The following DNPH1 variants were observed in gnomAD, a reference collection of about 807,000 sequenced individuals.
DNPH1 encodes 5-hydroxymethyl-dUMP N-hydrolase.
Under a neutral mutation model 15.7 loss-of-function variants are expected in DNPH1, and 18 were observed. The ratio of observed to expected loss-of-function variants is 1.15; its 90% CI spans 0.79 to 1.70. The LOEUF (loss-of-function observed/expected upper bound fraction) is 1.70, where lower values mean the gene tolerates loss of function less well. Ranked by LOEUF, DNPH1 falls within the 40% of genes most tolerant of loss-of-function variation. DNPH1 has a pLI of 0.00. For synonymous variants in DNPH1, 114 were observed against 107.9 expected (o/e 1.06, Z -0.35); for missense variants, 262 against 255.2 (o/e 1.03, Z -0.18).
Position 43,225,639 on chromosome 6 carries a change from A to T in DNPH1, c.*94T>A. On this transcript the variant is annotated 3_prime_UTR_variant, in exon 4 of 4. Transcript: ENST00000230431. ...ACACAAGACAGAAAGTTAGGATTTTAACTGTACCTTTTAATTTGCTCCTGG... is the reference window on the plus strand; with the variant it reads ...ACACAAGACAGAAAGTTAGGATTTTTACTGTACCTTTTAATTTGCTCCTGG... 6.7e-7 allele frequency: 1 copy of T among 1,492,414 alleles called. No individual in the cohort carries two copies. 92.4% of individuals were successfully genotyped at this position (1,492,414 alleles called of 1,614,324 possible).
rs745710544 is a variant in DNPH1 at position 43,226,881 on chromosome 6, T to TG, written c.197-487dup. Among the ~76,000 whole-genome samples, 14 of 125,986 alleles carry TG rather than the reference T, an allele frequency of 1.1e-4. No homozygotes were observed. The highest frequency in any genetic ancestry group is 2.1e-4 in the Non-Finnish European group (12 of 57,872). The allele number at this position is 125,986 out of a possible 152,430, so 82.7% of individuals were successfully genotyped here. ...CAGCACTTTGGGAGGCTGGGGCGGGTGGATCACTTGAGGTCAGGAGTTCAA... is the reference window on the plus strand; with the variant it reads ...CAGCACTTTGGGAGGCTGGGGCGGGTGGGATCACTTGAGGTCAGGAGTTCAA... On this transcript the variant is annotated intron_variant, in intron 1 of 3. Coordinates refer to ENST00000230431, the MANE Select transcript of DNPH1 (RefSeq NM_006443.3). The surrounding 1 kb of genome is among the most constrained non-coding windows in gnomAD (Gnocchi z 4.1).
chr6:43,227,567 C>G (rs1408492653), intron 1 of DNPH1, among the ~76,000 whole-genome samples: 1 of 152,066 alleles, frequency 6.6e-6, no homozygotes, highest in Non-Finnish European at 1.5e-5. Flanking sequence ...CTTCAGGGTC[C>G]TCCACTTGCA....
chr6:43,228,782 C>G (rs1399281202), intron 1 of DNPH1, among the ~76,000 whole-genome samples: 3 of 151,926 alleles, frequency 2.0e-5, no homozygotes, highest in Admixed American at 2.0e-4. Flanking sequence ...GCCGAGATCA[C>G]GCAACTGCAC....
chr6:43,229,361 T>C lies in DNPH1; in HGVS notation c.96A>G (p.Gly32=). ...ALYFCGSIRG[G]REDRTLYERI... ...GCTCGTACAGCGTCCTGTCCTCGCG[T>C]CCGCCGCGAATGCTCCCGCAGAAGT... is the stretch of plus-strand genomic sequence containing the variant. The change falls in exon 1 of 4, where the codon GGA becomes GGG. Residue 32 remains glycine, a synonymous_variant. Transcript: ENST00000230431. The C allele has an allele frequency of 6.7e-7, 1 of 1,486,342 alleles. No individual in the cohort carries two copies. The highest frequency in any genetic ancestry group is 8.9e-7 in the Non-Finnish European group (1 of 1,119,772). 92.1% of individuals were successfully genotyped at this position (1,486,342 alleles called of 1,614,324 possible).
At chr6:43,228,982 TG>T (rs1776782363) in intron 1 of DNPH1, 1 of 307,372 alleles carries the variant, frequency 3.3e-6, no homozygotes, top group Non-Finnish European at 6.5e-6. Flanking sequence ...ACAAACGCTC[TG>T]AAAGCAGCTG....
rs569835091 is a variant in DNPH1 at position 43,226,184 on chromosome 6, C to T, written c.266-41G>A. The T allele has an allele frequency of 1.2e-5, 19 of 1,610,476 alleles. No homozygotes were observed. The South Asian group carries it at 1.9e-4, about 16-fold the overall frequency. ...AGAGGAAGCCTCAGCATTGGGGGCA[C>T]TTGAGGTTCATAAGGAAGACGACGG... On this transcript the variant is annotated intron_variant, in intron 2 of 3. Transcript: ENST00000230431. This position sits in a 1 kb window ranked among gnomAD's most constrained non-coding sequence, Gnocchi z 4.1.
chr6:43,229,237 C>A, intron 1 of DNPH1, 24 bp downstream of exon 1: 2 of 1,316,544 alleles, frequency 1.5e-6, no homozygotes, highest in Non-Finnish European at 1.9e-6. Context: ...CGCGTCCCCG[C>A]GTCCCGCGGC....
In DNPH1 at chr6:43,229,378, C is replaced by A. The variant is rs866717784; in HGVS notation, c.79G>T (p.Gly27Trp). Residue 27 changes from glycine (G) to tryptophan (W), a missense_variant, in exon 1 of 4, where the codon GGG (glycine) becomes TGG (tryptophan). By Grantham distance (184) the Gly-to-Trp change is radical. Coordinates refer to ENST00000230431, the MANE Select transcript of DNPH1 (RefSeq NM_006443.3). ...EPGRPALYFC[G>W]SIRGGREDRT... ...TCCTCGCGTCCGCCGCGAATGCTCC[C>A]GCAGAAGTACAGGGCCGGGCGGCCA... 1 of 1,486,118 alleles carries A rather than the reference C, an allele frequency of 6.7e-7. No homozygotes were observed. The highest frequency in any genetic ancestry group is 8.9e-7 in the Non-Finnish European group (1 of 1,120,240). 92.1% of individuals were successfully genotyped at this position (1,486,118 alleles called of 1,614,324 possible). A position where few individuals can be genotyped will look rare whatever the true frequency, so the allele number is the denominator to read the frequency against.
At position 43,229,080 on chromosome 6, in the gene DNPH1, C is replaced by T. The variant is rs746088668; in HGVS notation, c.196+181G>A. Reference sequence around the variant, plus strand: ...GCAGGCTTGCTGGGACCCACGCAGCCCGAGCCCCGGCCCGTTTCCTTCTCG... The same window carrying T: ...GCAGGCTTGCTGGGACCCACGCAGCTCGAGCCCCGGCCCGTTTCCTTCTCG... On this transcript the variant is annotated intron_variant, in intron 1 of 3. Transcript: ENST00000230431. 12 of 611,068 alleles carry T rather than the reference C, an allele frequency of 2.0e-5. No individual in the cohort carries two copies. In the East Asian group the frequency reaches 5.8e-4, roughly 30 times the overall value. The allele number at this position is 611,068 out of a possible 1,614,324, so 37.9% of individuals were successfully genotyped here. A position where few individuals can be genotyped will look rare whatever the true frequency, so the allele number is the denominator to read the frequency against.
At chr6:43,228,109 TAGAA>T (rs920236807) in intron 1 of DNPH1, among the ~76,000 whole-genome samples, 5 of 150,810 alleles carry the variant, frequency 3.3e-5, no homozygotes, top group Non-Finnish European at 5.9e-5. Context: ...ACTAAATAAA[TAGAA>T]AGAGAAAGAA....
rs7832 is a variant in DNPH1 at position 43,226,139 on chromosome 6, G to T, written c.270C>A (p.Val90=). 6.8e-6 allele frequency: 11 copies of T among 1,612,808 alleles called. 1 individual carries two copies. In the Middle Eastern group the frequency reaches 4.9e-4, roughly 72 times the overall value. ...DLEWLQQADV[V]VAEVTQPSLG... ...AGGATGGCTGTGTCACTTCTGCCAC[G>T]ACCACTGGGAGGAAAGATGAGAGGA... Residue 90 remains valine (V), a synonymous_variant, in exon 3 of 4, where the codon GTC becomes GTA. Coordinates refer to ENST00000230431, the MANE Select transcript of DNPH1 (RefSeq NM_006443.3). The surrounding 1 kb of genome is among the most constrained non-coding windows in gnomAD (Gnocchi z 4.1).
Position 43,226,199 on chromosome 6 carries a change from GA to G in DNPH1, c.266-57del. 1 of 1,607,158 alleles carries G rather than the reference GA, an allele frequency of 6.2e-7. No individual in the cohort carries two copies. The highest frequency in any genetic ancestry group is 8.5e-7 in the Non-Finnish European group (1 of 1,178,036). On this transcript the variant is annotated intron_variant, in intron 2 of 3. Coordinates refer to ENST00000230431, the MANE Select transcript of DNPH1 (RefSeq NM_006443.3). The surrounding 1 kb of genome is among the most constrained non-coding windows in gnomAD (Gnocchi z 4.1). Reference sequence around the variant, plus strand: ...ATTGGGGGCACTTGAGGTTCATAAGGAAGACGACGGTGTGGCTGTGGTGAGG... The same window carrying G: ...ATTGGGGGCACTTGAGGTTCATAAGGAGACGACGGTGTGGCTGTGGTGAGG...
Position 43,226,030 on chromosome 6 carries a change from C to T in DNPH1, c.376+3G>A. The T allele has an allele frequency of 6.2e-7, 1 of 1,613,724 alleles. No homozygotes were observed. ...AGCCAGGAGGGAGGCTTGGGGTGCT[C>T]ACCGCGGCCAGACTGCGGGCGGAAC... On this transcript the variant is annotated splice_donor_region_variant and intron_variant, in intron 3 of 3. Coordinates refer to ENST00000230431, the MANE Select transcript of DNPH1 (RefSeq NM_006443.3). The surrounding 1 kb of genome is among the most constrained non-coding windows in gnomAD (Gnocchi z 4.1).
rs1488919934 is a variant in DNPH1 at position 43,226,929 on chromosome 6, A to G, written c.197-534T>C. Among the ~76,000 whole-genome samples the G allele has an allele frequency of 6.6e-6, 1 of 150,694 alleles. No individual in the cohort carries two copies. The highest frequency in any genetic ancestry group is 1.5e-5 in the Non-Finnish European group (1 of 67,630). On this transcript the variant is annotated intron_variant, in intron 1 of 3. Coordinates refer to ENST00000230431, the MANE Select transcript of DNPH1 (RefSeq NM_006443.3). This position sits in a 1 kb window ranked among gnomAD's most constrained non-coding sequence, Gnocchi z 4.1. Reference sequence around the variant, plus strand: ...CAAAACCAGCCTGGCCAACATGGTGAAACCCCATCTTTACTAAAAATACAA... The same window carrying G: ...CAAAACCAGCCTGGCCAACATGGTGGAACCCCATCTTTACTAAAAATACAA...
Position 43,226,431 on chromosome 6 carries a change from A to T in DNPH1, c.197-36T>A, listed in dbSNP as rs1167369582. 4 of 1,592,174 alleles carry T rather than the reference A, an allele frequency of 2.5e-6. No homozygotes were observed. The highest frequency in any genetic ancestry group is 3.4e-6 in the Non-Finnish European group (4 of 1,170,678). On this transcript the variant is annotated intron_variant, in intron 1 of 3. Transcript: ENST00000230431. The surrounding 1 kb of genome is among the most constrained non-coding windows in gnomAD (Gnocchi z 4.1). ...GGAAAGCTGGTCAAGGACATGCCTC[A>T]TGCTGGCTCCCAGTAACTCCTATGC...
At position 43,226,580 on chromosome 6, in the gene DNPH1, A is replaced by C; in HGVS notation, c.197-185T>G. 1.7e-6 allele frequency: 1 copy of C among 590,162 alleles called. No individual in the cohort carries two copies. Among genetic ancestry groups the C allele is most frequent in the Admixed American group, 3.2e-5 (1 of 31,232 alleles). The allele number at this position is 590,162 out of a possible 1,614,324, so 36.6% of individuals were successfully genotyped here. On this transcript the variant is annotated intron_variant, in intron 1 of 3. Coordinates refer to ENST00000230431, the MANE Select transcript of DNPH1 (RefSeq NM_006443.3). The surrounding 1 kb of genome is among the most constrained non-coding windows in gnomAD (Gnocchi z 4.1). ...GAATAGCCACAAAAAGAAAAATTCA[A>C]CCCTATGCAAGGTGGGACATGTGAT...
At position 43,225,669 on chromosome 6, in the gene DNPH1, A is replaced by G; in HGVS notation, c.*64T>C. The G allele has an allele frequency of 6.3e-7, 1 of 1,581,574 alleles. No individual in the cohort carries two copies. The highest frequency in any genetic ancestry group is 1.1e-5 in the South Asian group (1 of 90,130). ...TACCTTTTAATTTGCTCCTGGGGCTAAGAGGAAGGAATGGTACTAGAGCAG... is the reference window on the plus strand; with the variant it reads ...TACCTTTTAATTTGCTCCTGGGGCTGAGAGGAAGGAATGGTACTAGAGCAG... On this transcript the variant is annotated 3_prime_UTR_variant, in exon 4 of 4. Coordinates refer to ENST00000230431, the MANE Select transcript of DNPH1 (RefSeq NM_006443.3).
chr6:43,227,844 C>T (rs993617144), intron 1 of DNPH1, among the ~76,000 whole-genome samples: 1 of 152,076 alleles, frequency 6.6e-6, no homozygotes, highest in Non-Finnish European at 1.5e-5. Flanking sequence ...AATCCCAACA[C>T]TTTGGGAGGC....
chr6:43,228,418 C>T (rs1174564410), intron 1 of DNPH1, among the ~76,000 whole-genome samples: 1 of 152,184 alleles, frequency 6.6e-6, no homozygotes, highest in Non-Finnish European at 1.5e-5. Flanking sequence ...CACCACTGCA[C>T]TCCAGCCTGG....
Sources: allele counts gnomAD v4.1 joint callset (sites outside exome capture counted in the v4.1 genomes callset), GRCh38; gene constraint gnomAD v4.1.1; non-coding constraint Gnocchi (gnomAD v3.1); transcripts MANE v1.5; gene names NCBI Gene and HGNC (gene_info 2026-07-23, HGNC 2026-07-21).